Variants in GABRA4 observed in about 807,000 individuals in gnomAD.
GABRA4 encodes the protein gamma-aminobutyric acid type A receptor subunit alpha4.
A neutral mutation model predicts 49.7 loss-of-function variants in GABRA4; 12 were observed. The ratio of observed to expected loss-of-function variants is 0.24; its 90% confidence interval spans 0.15 to 0.39. GABRA4 has a LOEUF of 0.39. Ranked by LOEUF, GABRA4 falls within the 10% of genes least tolerant of loss-of-function variation. The pLI is 1.00. For missense variants in GABRA4, 506 were observed against 686.0 expected (o/e 0.74, Z 2.93); for synonymous variants, 288 against 240.2 (o/e 1.20, Z -1.84).
chr4:46,936,104 C>G (rs1721593429), intron 8 of GABRA4, among the ~76,000 whole-genome samples: 1 of 152,122 alleles, frequency 6.6e-6, no homozygotes, highest in South Asian at 2.1e-4. Context: ...AGCTAACATG[C>G]TTTTAACTGA....
intron 8 of GABRA4, among the ~76,000 whole-genome samples, chr4:46,931,107 A>T (rs1223682819): frequency 1.3e-5 from 2 of 152,048 alleles, no homozygotes; most frequent in African/African-American, 4.8e-5. Flanking sequence ...CCCATTGAGT[A>T]TTTTACTAAG....
At chr4:46,960,841 G>A (rs1442085077) in intron 8 of GABRA4, among the ~76,000 whole-genome samples, 2 of 151,646 alleles carry the variant, frequency 1.3e-5, no homozygotes, top group African/African-American at 4.8e-5. Context: ...AAACTAACTT[G>A]CAGAAAGATG....
intron 1 of GABRA4, among the ~76,000 whole-genome samples, 174 bp downstream of exon 1, chr4:46,993,165 T>C (rs1723838218): frequency 6.6e-6 from 1 of 152,144 alleles, no homozygotes; most frequent in African/African-American, 2.4e-5. Flanking sequence ...TCCTGCGCCC[T>C]TGGTGCTCTC....
intron 8 of GABRA4, among the ~76,000 whole-genome samples, chr4:46,929,645 A>C (rs1721358529): frequency 6.6e-6 from 1 of 152,122 alleles, no homozygotes. Context: ...TAGATTCTCC[A>C]TGCTAATGAA....
rs1378442335 is a variant in GABRA4, at chr4:46,925,780, G to T, written c.*2445C>A. The T allele has an allele frequency of 6.9e-6, 1 of 145,916 alleles. No individual in the cohort carries two copies. The highest frequency in any genetic ancestry group is 2.5e-5 in the African/African-American group (1 of 39,872). 9.0% of individuals were successfully genotyped at this position (145,916 alleles called of 1,614,324 possible). Reference sequence around the variant, plus strand: ...ATTATCATCATTATTATCATTGTGTGCAAATGAAATAATTTATTTTAATAA... The same window carrying T: ...ATTATCATCATTATTATCATTGTGTTCAAATGAAATAATTTATTTTAATAA... On this transcript the variant is annotated 3_prime_UTR_variant, in exon 9 of 9. Coordinates refer to ENST00000264318, the MANE Select transcript of GABRA4 (RefSeq NM_000809.4).
chr4:46,940,840 G>A (rs751459229), intron 8 of GABRA4, among the ~76,000 whole-genome samples: 3 of 151,908 alleles, frequency 2.0e-5, no homozygotes, highest in Non-Finnish European at 2.9e-5. Flanking sequence ...GTTTCCAATG[G>A]GCATTATCAA....
intron 2 of GABRA4, among the ~76,000 whole-genome samples, chr4:46,991,227 T>C (rs1433041877): frequency 6.6e-6 from 1 of 152,088 alleles, no homozygotes; most frequent in African/African-American, 2.4e-5. Flanking sequence ...ATCAATACCC[T>C]CAATGACTTC....
chr4:46,951,468 C>A (rs1314407251), intron 8 of GABRA4, among the ~76,000 whole-genome samples: 1 of 151,654 alleles, frequency 6.6e-6, no homozygotes, highest in Admixed American at 6.6e-5. Flanking sequence ...AAACTAAACC[C>A]ATATGTCCTC....
In GABRA4 at chr4:46,977,390, G is replaced by A; in HGVS notation, c.494+20C>T. The A allele has an allele frequency of 7.7e-7, 1 of 1,299,742 alleles. No homozygotes were observed. Among genetic ancestry groups the A allele is most frequent in the Non-Finnish European group, 1.1e-6 (1 of 924,770 alleles). The allele number at this position is 1,299,742 out of a possible 1,614,324, so 80.5% of individuals were successfully genotyped here. A position where few individuals can be genotyped will look rare whatever the true frequency, so the allele number is the denominator to read the frequency against. On this transcript the variant is annotated intron_variant, in intron 4 of 8. Coordinates refer to ENST00000264318, the MANE Select transcript of GABRA4 (RefSeq NM_000809.4). Reference sequence around the variant, plus strand: ...AGAAAAGAATAAAAAAGGAAGGGAAGAAGTAAAAAAAAATATTACCTCATT... The same window carrying A: ...AGAAAAGAATAAAAAAGGAAGGGAAAAAGTAAAAAAAAATATTACCTCATT...
intron 8 of GABRA4, among the ~76,000 whole-genome samples, chr4:46,933,235 C>A (rs570402521): frequency 3.7e-4 from 56 of 152,122 alleles, no homozygotes; most frequent in Non-Finnish European, 6.0e-4. Flanking sequence ...CAGTAGGCAC[C>A]TATTTCATAT....
chr4:46,982,881 T>C (rs2109401017), intron 2 of GABRA4, among the ~76,000 whole-genome samples: 1 of 152,116 alleles, frequency 6.6e-6, no homozygotes, highest in East Asian at 1.9e-4. Context: ...GATGTGGCAG[T>C]GGGGATGAAG....
chr4:46,935,814 T>C (rs1267197405), intron 8 of GABRA4, among the ~76,000 whole-genome samples: 1 of 152,158 alleles, frequency 6.6e-6, no homozygotes, highest in Non-Finnish European at 1.5e-5. Flanking sequence ...ACTTAAAGTA[T>C]AATTTTAAAA....
rs1289221987 is a variant in GABRA4, at chr4:46,939,271, A to G, written c.1135-10516T>C. Among the ~76,000 whole-genome samples, 3 of 152,010 alleles carry G rather than the reference A, an allele frequency of 2.0e-5. No individual in the cohort carries two copies. In the South Asian group the frequency reaches 6.2e-4, roughly 31 times the overall value. On this transcript the variant is annotated intron_variant, in intron 8 of 8. Coordinates refer to ENST00000264318, the MANE Select transcript of GABRA4 (RefSeq NM_000809.4). ...TTCTTTTAAAGTGAACAATTTTATAATGCATTCTATTCTAACATAATTAAT... is the reference window on the plus strand; with the variant it reads ...TTCTTTTAAAGTGAACAATTTTATAGTGCATTCTATTCTAACATAATTAAT...
intron 7 of GABRA4, among the ~76,000 whole-genome samples, chr4:46,968,041 T>A (rs1379346419): frequency 6.6e-6 from 1 of 151,674 alleles, no homozygotes; most frequent in African/African-American, 2.4e-5. Context: ...TGATTTTTTT[T>A]GCTTTGTTTT....
chr4:46,920,721 C>G lies in GABRA4; in HGVS notation c.*7504G>C, dbSNP rs908530971. The G allele has an allele frequency of 2.6e-5, 4 of 151,466 alleles. No individual in the cohort carries two copies. Among genetic ancestry groups the G allele is most frequent in the Non-Finnish European group, 5.9e-5 (4 of 67,676 alleles). The allele number at this position is 151,466 out of a possible 1,614,324, so 9.4% of individuals were successfully genotyped here. A position where few individuals can be genotyped will look rare whatever the true frequency, so the allele number is the denominator to read the frequency against. The stretch of plus-strand genomic sequence containing the variant: ...GAGGTATTTCCAAATTAGGTTATAT[C>G]TTATAGCAACTAGATTTGCATGGGA... On this transcript the variant is annotated 3_prime_UTR_variant, in exon 9 of 9. Coordinates refer to ENST00000264318, the MANE Select transcript of GABRA4 (RefSeq NM_000809.4).
At chr4:46,988,187 C>T (rs1723609765) in intron 2 of GABRA4, among the ~76,000 whole-genome samples, 1 of 152,080 alleles carries the variant, frequency 6.6e-6, no homozygotes, top group South Asian at 2.1e-4. Flanking sequence ...AAATAGATCC[C>T]TCACCCATTT....
chr4:46,939,566 C>T (rs1265763497), intron 8 of GABRA4, among the ~76,000 whole-genome samples: 1 of 151,926 alleles, frequency 6.6e-6, no homozygotes, highest in East Asian at 1.9e-4. Flanking sequence ...TACTCTTAAC[C>T]ACTTCAAGAG....
chr4:46,974,616 A>T (rs1249829603), intron 5 of GABRA4, among the ~76,000 whole-genome samples: 1 of 151,948 alleles, frequency 6.6e-6, no homozygotes, highest in Non-Finnish European at 1.5e-5. Context: ...TGCCAAATAA[A>T]GGAGGAGGAG....
Position 46,928,748 on chromosome 4 carries a change from T to C in GABRA4, c.1142A>G (p.Asn381Ser), listed in dbSNP as rs753432226. The change falls in exon 9 of 9, where the codon AAT becomes AGT. Residue 381 changes from asparagine (N) to serine (S), a missense_variant. Physicochemically the swap from Asn to Ser is conservative, Grantham distance 46 (BLOSUM62 1). Coordinates refer to ENST00000264318, the MANE Select transcript of GABRA4 (RefSeq NM_000809.4). The stretch of plus-strand genomic sequence containing the variant: ...TCTTTTTCTCATGTTCAAATTGGCA[T>C]TTGTATTCTGAAAAGGTATATGAAA... Reference protein sequence around the residue: ...KHPEAPLQNTNANLNMRKRTN... With the variant: ...KHPEAPLQNTSANLNMRKRTN... The C allele has an allele frequency of 1.2e-6, 2 of 1,606,576 alleles. No individual in the cohort carries two copies. The highest frequency in any genetic ancestry group is 1.7e-6 in the Non-Finnish European group (2 of 1,174,656).
Sources: allele counts gnomAD v4.1 joint callset (sites outside exome capture counted in the v4.1 genomes callset), GRCh38; gene constraint gnomAD v4.1.1; transcripts MANE v1.5; gene names NCBI Gene and HGNC (gene_info 2026-07-23, HGNC 2026-07-21).